The following SLC71A2 variants were observed in gnomAD, a reference collection of about 807,000 sequenced individuals.
SLC71A2 encodes the protein hippocampus abundant transcript-like 1.
At chr9:94,454,178 G>T in the SLC71A2 span, 1 of 732,820 alleles carries the variant, frequency 1.4e-6, no homozygotes. Context: ...TTGCTGGTTT[G>T]GTGTATTCAA....
the SLC71A2 span, among the ~76,000 whole-genome samples, chr9:94,442,919 AAAC>A: frequency 6.6e-6 from 1 of 152,026 alleles, no homozygotes; most frequent in Non-Finnish European, 1.5e-5. Context: ...AGAAAAGAAA[AAAC>A]AAAAACAAGA....
the SLC71A2 span, chr9:94,429,254 A>T: frequency 6.3e-7 from 1 of 1,595,830 alleles, no homozygotes; most frequent in Non-Finnish European, 8.5e-7. Flanking sequence ...GTGTAAAGGT[A>T]AGAAAAAATT....
the SLC71A2 span, among the ~76,000 whole-genome samples, chr9:94,424,727 C>CTTTTTTTTT: frequency 2.6e-3 from 242 of 91,812 alleles, no homozygotes; most frequent in African/African-American, 3.8e-3. Context: ...TTGTTTTCTG[C>CTTTTTTTTT]TTTTTTTTTT....
At chr9:94,415,303 T>C in the SLC71A2 span, 1 of 1,318,260 alleles carries the variant, frequency 7.6e-7, no homozygotes, top group Non-Finnish European at 1.1e-6. Context: ...AGAGATAAGT[T>C]CTTAGGCACG....
the SLC71A2 span, among the ~76,000 whole-genome samples, chr9:94,451,842 C>A: frequency 1.3e-5 from 2 of 152,244 alleles, no homozygotes; most frequent in Non-Finnish European, 2.9e-5. Flanking sequence ...CTTGACCAGG[C>A]AGCCCAGCCT....
At chr9:94,375,181 T>C in the SLC71A2 span, among the ~76,000 whole-genome samples, 1 of 152,082 alleles carries the variant, frequency 6.6e-6, no homozygotes, top group Non-Finnish European at 1.5e-5. Flanking sequence ...AGTAGTAATT[T>C]GGTTATTTCG....
the SLC71A2 span, among the ~76,000 whole-genome samples, chr9:94,428,221 G>A: frequency 6.6e-6 from 1 of 151,214 alleles, no homozygotes; most frequent in Non-Finnish European, 1.5e-5. Flanking sequence ...GACAAATCAA[G>A]TTATTCAACA....
At chr9:94,398,493 G>A in the SLC71A2 span, among the ~76,000 whole-genome samples, 1 of 152,140 alleles carries the variant, frequency 6.6e-6, no homozygotes, top group Non-Finnish European at 1.5e-5. Flanking sequence ...TAAGGTCTGA[G>A]TCTTGAAGAC....
chr9:94,383,496 A>G, the SLC71A2 span, among the ~76,000 whole-genome samples: 26 of 152,026 alleles, frequency 1.7e-4, no homozygotes, highest in East Asian at 5.1e-3. Context: ...AATTGTCCAT[A>G]TATTAGTCAG....
chr9:94,453,898 C>A, the SLC71A2 span: 1 of 1,135,320 alleles, frequency 8.8e-7, no homozygotes, highest in Non-Finnish European at 1.3e-6. Flanking sequence ...ACACACAGAG[C>A]TTGTATTTTA....
the SLC71A2 span, among the ~76,000 whole-genome samples, chr9:94,408,775 T>C: frequency 6.7e-6 from 1 of 148,236 alleles, no homozygotes; most frequent in African/African-American, 2.5e-5. Flanking sequence ...TTTCATTAAA[T>C]CAATTTTGGT....
the SLC71A2 span, among the ~76,000 whole-genome samples, chr9:94,397,837 A>T: frequency 6.6e-6 from 1 of 152,230 alleles, no homozygotes; most frequent in Non-Finnish European, 1.5e-5. Flanking sequence ...TCATTATATC[A>T]TATCAACAGT....
the SLC71A2 span, chr9:94,445,001 C>G: frequency 6.2e-7 from 1 of 1,614,068 alleles, no homozygotes; most frequent in Non-Finnish European, 8.5e-7. Context: ...GTCAGCAGCC[C>G]GGCCATTGGA....
At chr9:94,419,521 G>A in the SLC71A2 span, among the ~76,000 whole-genome samples, 27 of 152,088 alleles carry the variant, frequency 1.8e-4, no homozygotes, top group African/African-American at 6.3e-4. Flanking sequence ...TAGCCAGGAT[G>A]GTCTCGATCT....
chr9:94,382,468 C>T, the SLC71A2 span, among the ~76,000 whole-genome samples: 15 of 152,086 alleles, frequency 9.9e-5, no homozygotes, highest in South Asian at 3.1e-3. Flanking sequence ...GGATGCAAGT[C>T]CCTCGTCAAA....
the SLC71A2 span, among the ~76,000 whole-genome samples, chr9:94,394,002 CTT>C: frequency 4.4e-5 from 6 of 137,174 alleles, no homozygotes; most frequent in African/African-American, 1.4e-4. Context: ...TATTTTCACT[CTT>C]ATAGAATGTT....
the SLC71A2 span, among the ~76,000 whole-genome samples, chr9:94,456,792 G>A: frequency 1.3e-5 from 2 of 152,328 alleles, no homozygotes; most frequent in African/African-American, 2.4e-5. Flanking sequence ...AAAAGTCTGT[G>A]TGGTTGTTGA....
the SLC71A2 span, among the ~76,000 whole-genome samples, chr9:94,414,235 A>T: frequency 2.6e-5 from 4 of 152,212 alleles, no homozygotes; most frequent in Non-Finnish European, 5.9e-5. Context: ...ATTTTTAAAA[A>T]GTTCACTCTG....
the SLC71A2 span, among the ~76,000 whole-genome samples, chr9:94,439,022 G>T: frequency 5.8e-4 from 67 of 115,684 alleles, no homozygotes; most frequent in Admixed American, 6.1e-4. Context: ...ATTTGAGTTC[G>T]TTTTTTTTTT....
Sources: gnomAD v4.1 joint callset for allele counts (sites outside exome capture counted in the v4.1 genomes callset) on GRCh38, gnomAD v4.1.1 for gene constraint, MANE v1.5 for transcripts, NCBI Gene and HGNC (gene_info 2026-07-23, HGNC 2026-07-21) for gene names.